Variants in PHACTR3 observed in about 807,000 individuals in gnomAD.
The protein encoded by PHACTR3 is protein phosphatase 1, regulatory subunit 123.
A neutral mutation model predicts 66.8 loss-of-function variants in PHACTR3; 16 were observed. The ratio of observed to expected loss-of-function variants is 0.24; its 90% confidence interval spans 0.16 to 0.36. PHACTR3 has a LOEUF of 0.36. PHACTR3 is among the 10% of genes least tolerant of loss of function. The pLI, the probability that PHACTR3 is intolerant of heterozygous loss-of-function variation, is 1.00. For missense variants in PHACTR3, 647 were observed against 719.9 expected (o/e 0.90, Z 1.16); for synonymous variants, 323 against 292.1 (o/e 1.11, Z -1.08).
At chr20:59,690,235 C>T (rs575269456) in intron 1 of PHACTR3, among the ~76,000 whole-genome samples, 10 of 152,314 alleles carry the variant, frequency 6.6e-5, no homozygotes, top group Middle Eastern at 3.4e-3. Context: ...CCCACACCAC[C>T]GCCTACCATG....
intron 12 of PHACTR3, among the ~76,000 whole-genome samples, chr20:59,845,888 A>AT (rs2059138709): frequency 6.6e-6 from 1 of 152,178 alleles, no homozygotes; most frequent in African/African-American, 2.4e-5. Context: ...TGTCTATGCT[A>AT]TGATATGCAA....
intron 3 of PHACTR3, among the ~76,000 whole-genome samples, chr20:59,750,021 C>T (rs1392702661): frequency 6.6e-6 from 1 of 152,096 alleles, no homozygotes; most frequent in Admixed American, 6.5e-5. Flanking sequence ...AAATTGATGC[C>T]ATGACATTTT....
chr20:59,794,989 CTT>C (rs2041211425), intron 7 of PHACTR3, among the ~76,000 whole-genome samples: 1 of 152,014 alleles, frequency 6.6e-6, no homozygotes, highest in African/African-American at 2.4e-5. Flanking sequence ...ATTTTCTAGT[CTT>C]TATTTTATTT....
At chr20:59,723,662 T>C (rs561218479) in intron 1 of PHACTR3, among the ~76,000 whole-genome samples, 39 of 152,136 alleles carry the variant, frequency 2.6e-4, no homozygotes, top group Admixed American at 6.5e-4. Context: ...CGGGGCAAGC[T>C]CAGGAGCAGA....
In PHACTR3 at chr20:59,637,695, T is replaced by C. The variant is rs62203929; in HGVS notation, c.118+32563T>C. On this transcript the variant is annotated intron_variant, in intron 1 of 12. Transcript: ENST00000371015. Reference sequence around the variant, plus strand: ...CATGCTAGAATAAAGACACAAAGCATTAAAAAAAAAAAAAAAACCAACAAA... The same window carrying C: ...CATGCTAGAATAAAGACACAAAGCACTAAAAAAAAAAAAAAAACCAACAAA... Among the ~76,000 whole-genome samples, 2 of 72,400 alleles carry C rather than the reference T, an allele frequency of 2.8e-5. 1 individual carries two copies. The highest frequency in any genetic ancestry group is 2.5e-4 in the Admixed American group (2 of 7,912). 47.5% of individuals were successfully genotyped at this position (72,400 alleles called of 152,430 possible). A position where few individuals can be genotyped will look rare whatever the true frequency, so the allele number is the denominator to read the frequency against.
chr20:59,840,582 G>T (rs2059040502), intron 10 of PHACTR3, 152 bp downstream of exon 10: 7 of 1,283,994 alleles, frequency 5.5e-6, no homozygotes, highest in East Asian at 2.6e-5. Context: ...CAGGATATTT[G>T]CTCAGCAACA....
intron 1 of PHACTR3, among the ~76,000 whole-genome samples, chr20:59,599,003 T>A (rs995030773): frequency 6.6e-6 from 1 of 152,192 alleles, no homozygotes; most frequent in Non-Finnish European, 1.5e-5. Context: ...TTCTTAAGCA[T>A]TTGAAGTTTG....
At chr20:59,846,196 T>A in intron 12 of PHACTR3, among the ~76,000 whole-genome samples, 1 of 152,188 alleles carries the variant, frequency 6.6e-6, no homozygotes, top group East Asian at 1.9e-4. Flanking sequence ...AATAATAGCT[T>A]TAGTTTTCTG....
chr20:59,751,812 G>C (rs1392143234), intron 3 of PHACTR3, among the ~76,000 whole-genome samples: 1 of 152,036 alleles, frequency 6.6e-6, no homozygotes, highest in Non-Finnish European at 1.5e-5. Flanking sequence ...GGACCCCTCT[G>C]ATCTCTTCAG....
At chr20:59,815,506 C>T (rs1252751604) in intron 8 of PHACTR3, among the ~76,000 whole-genome samples, 3 of 145,346 alleles carry the variant, frequency 2.1e-5, no homozygotes, top group Non-Finnish European at 4.4e-5. Context: ...CTCACTGTAA[C>T]CTCTGCCTTC....
chr20:59,702,682 G>A (rs1338606180), intron 1 of PHACTR3, among the ~76,000 whole-genome samples: 1 of 152,230 alleles, frequency 6.6e-6, no homozygotes, highest in Admixed American at 6.5e-5. Context: ...AGTGCCTGGG[G>A]CCTCACAGAA....
chr20:59,623,819 G>C (rs577032881), intron 1 of PHACTR3, among the ~76,000 whole-genome samples: 8 of 152,220 alleles, frequency 5.3e-5, no homozygotes, highest in Non-Finnish European at 8.8e-5. Context: ...TGCCACGCGG[G>C]ACAGGGAAGA....
intron 8 of PHACTR3, 83 bp from the exon 9 acceptor site, chr20:59,836,422 C>A: frequency 7.3e-7 from 1 of 1,365,240 alleles, no homozygotes; most frequent in African/African-American, 1.5e-5. Context: ...GGTTTGCCAG[C>A]CACCTCTCAT....
At chr20:59,788,262 G>A (rs1023571764) in intron 7 of PHACTR3, among the ~76,000 whole-genome samples, 20 of 152,100 alleles carry the variant, frequency 1.3e-4, no homozygotes, top group African/African-American at 1.4e-4. Context: ...TCTCATCCAC[G>A]TCATCGTACA....
intron 7 of PHACTR3, among the ~76,000 whole-genome samples, chr20:59,798,343 A>G (rs973439334): frequency 1.3e-5 from 2 of 152,208 alleles, no homozygotes; most frequent in African/African-American, 4.8e-5. Context: ...TACATTGGAG[A>G]TTAAGTTTCA....
intron 1 of PHACTR3, among the ~76,000 whole-genome samples, chr20:59,727,983 A>G (rs573959474): frequency 1.3e-5 from 2 of 152,198 alleles, no homozygotes; most frequent in Non-Finnish European, 2.9e-5. Flanking sequence ...CAAATACCCA[A>G]TGGATAGGGG....
At chr20:59,728,096 T>C (rs2038629685) in intron 1 of PHACTR3, among the ~76,000 whole-genome samples, 1 of 152,226 alleles carries the variant, frequency 6.6e-6, no homozygotes, top group Non-Finnish European at 1.5e-5. Context: ...ACATTCATGA[T>C]ATTGGCATCT....
chr20:59,682,237 G>A (rs2036687569), intron 1 of PHACTR3, among the ~76,000 whole-genome samples: 1 of 152,178 alleles, frequency 6.6e-6, no homozygotes, highest in South Asian at 2.1e-4. Context: ...CTACTCGGCA[G>A]GCTGAGGCAG....
At chr20:59,596,816 A>G (rs892547266) in intron 1 of PHACTR3, among the ~76,000 whole-genome samples, 3 of 152,174 alleles carry the variant, frequency 2.0e-5, no homozygotes, top group Admixed American at 2.0e-4. Context: ...CATAGCAGGT[A>G]CTCAACAAAT....
Sources: gnomAD v4.1 joint callset for allele counts (sites outside exome capture counted in the v4.1 genomes callset) on GRCh38, gnomAD v4.1.1 for gene constraint, MANE v1.5 for transcripts, NCBI Gene and HGNC (gene_info 2026-07-23, HGNC 2026-07-21) for gene names.